LRRC8B: variants seen among roughly 807,000 people sequenced by gnomAD.
LRRC8B encodes leucine rich repeat containing 8 VRAC subunit B.
In LRRC8B, 23 loss-of-function variants were observed where a neutral mutation model predicts 58.8. The observed-to-expected ratio is 0.39, with a 90% CI of 0.28 to 0.55. The LOEUF is 0.55. LRRC8B is among the 20% of genes least tolerant of loss of function. The pLI is 0.62. For missense variants in LRRC8B, 694 were observed against 936.0 expected (o/e 0.74, Z 3.37); for synonymous variants, 359 against 374.1 (o/e 0.96, Z 0.47).
At chr1:89,566,543 C>G (rs1653058042) in intron 1 of LRRC8B, among the ~76,000 whole-genome samples, 1 of 152,166 alleles carries the variant, frequency 6.6e-6, no homozygotes, top group Non-Finnish European at 1.5e-5. Flanking sequence ...ATGCCTTTAA[C>G]CCAGTTCAAG....
In LRRC8B at chr1:89,583,511, C is replaced by T. The variant is rs1472790277; in HGVS notation, c.861C>T (p.Ile287=). The change falls in exon 5 of 6, where the codon ATC becomes ATT. Residue 287 remains isoleucine (I), a synonymous_variant. Coordinates refer to ENST00000330947, the MANE Select transcript of LRRC8B (RefSeq NM_001369817.2). This position sits in a 1 kb window ranked among gnomAD's most constrained non-coding sequence, Gnocchi z 5.2. ...TTTTAACCCACATCACTCTTGAAAT[C>T]GACTGTTCAGTTGATGTGCAGGCTT... The part of the protein sequence containing the change: ...PYFLTHITLE[I]DCSVDVQAFT... 5.0e-6 allele frequency: 8 copies of T among 1,613,406 alleles called. No homozygotes were observed. In the Admixed American group the frequency reaches 5.0e-5, roughly 10 times the overall value.
rs190222394 is a variant in LRRC8B at position 89,581,491 on chromosome 1, C to T, written c.-26-1134C>T. On this transcript the variant is annotated intron_variant, in intron 4 of 5. Transcript: ENST00000330947. Reference sequence around the variant, plus strand: ...TTTCTTATCAGATATTTTCTAAGACCCACATATTTCCTTTTACTTTACTCT... The same window carrying T: ...TTTCTTATCAGATATTTTCTAAGACTCACATATTTCCTTTTACTTTACTCT... Among the ~76,000 whole-genome samples, 40 of 152,098 alleles carry T rather than the reference C, an allele frequency of 2.6e-4. No homozygotes were observed. The East Asian group carries it at 7.0e-3, about 26-fold the overall frequency.
intron 5 of LRRC8B, 51 bp downstream of exon 5, chr1:89,584,840 C>T: frequency 7.9e-7 from 1 of 1,259,366 alleles, no homozygotes; most frequent in Non-Finnish European, 1.1e-6. Context: ...ACTTATAGTG[C>T]ATTACATAGG....
At chr1:89,530,194 CAA>C (rs776269889) in intron 1 of LRRC8B, among the ~76,000 whole-genome samples, 5 of 115,682 alleles carry the variant, frequency 4.3e-5, no homozygotes, top group African/African-American at 6.4e-5. Context: ...ACAAAAAATA[CAA>C]AAAAAAAAAA....
intron 1 of LRRC8B, among the ~76,000 whole-genome samples, chr1:89,527,855 G>A (rs144813539): frequency 1.7e-4 from 26 of 152,258 alleles, no homozygotes; most frequent in African/African-American, 5.8e-4. Context: ...TGAACAAAGG[G>A]TAACAATAAA....
Position 89,543,259 on chromosome 1 carries a change from C to T in LRRC8B, c.-241+18237C>T, listed in dbSNP as rs145521558. Among the ~76,000 whole-genome samples, 521 of 152,134 alleles carry T rather than the reference C, an allele frequency of 3.4e-3. 5 individuals carry two copies. The highest frequency in any genetic ancestry group is 0.012 in the African/African-American group (492 of 41,508). ...ATATTTTGAGACATGTAGACTATAA[C>T]CTTGAAAAGTCTTTTATGCTAATTG... On this transcript the variant is annotated intron_variant, in intron 1 of 5. Coordinates refer to ENST00000330947, the MANE Select transcript of LRRC8B (RefSeq NM_001369817.2).
intron 5 of LRRC8B, 129 bp downstream of exon 5, chr1:89,584,918 T>C (rs1442228578): frequency 7.9e-6 from 5 of 630,068 alleles, no homozygotes; most frequent in Non-Finnish European, 1.1e-5. Context: ...TTGCATAAAT[T>C]ACCAAAACAC....
chr1:89,555,862 A>G (rs1570592461), intron 1 of LRRC8B, among the ~76,000 whole-genome samples: 1 of 152,188 alleles, frequency 6.6e-6, no homozygotes, highest in South Asian at 2.1e-4. Flanking sequence ...GCATCATGTT[A>G]TGTGTGTAAT....
In LRRC8B at chr1:89,593,267, C is replaced by T. The variant is rs535313054; in HGVS notation, c.*224C>T. 6 of 464,476 alleles carry T rather than the reference C, an allele frequency of 1.3e-5. No homozygotes were observed. The South Asian group carries it at 1.4e-4, about 11-fold the overall frequency. The allele number at this position is 464,476 out of a possible 1,614,324, so 28.8% of individuals were successfully genotyped here. A position where few individuals can be genotyped will look rare whatever the true frequency, so the allele number is the denominator to read the frequency against. On this transcript the variant is annotated 3_prime_UTR_variant, in exon 6 of 6. Coordinates refer to ENST00000330947, the MANE Select transcript of LRRC8B (RefSeq NM_001369817.2). ...TGGCGTGCGCCTGTAATCCCAGCTA[C>T]TTGGGAGGCTGACGCAGGGGAATTG... is the stretch of plus-strand genomic sequence containing the variant.
Position 89,597,811 on chromosome 1 carries a change from A to G in LRRC8B, c.*4768A>G, listed in dbSNP as rs908518402. The G allele has an allele frequency of 2.0e-5, 3 of 152,190 alleles. No homozygotes were observed. The highest frequency in any genetic ancestry group is 7.2e-5 in the African/African-American group (3 of 41,432). 9.4% of individuals were successfully genotyped at this position (152,190 alleles called of 1,614,324 possible). A position where few individuals can be genotyped will look rare whatever the true frequency, so the allele number is the denominator to read the frequency against. On this transcript the variant is annotated 3_prime_UTR_variant, in exon 6 of 6. Transcript: ENST00000330947. ...TTTTAAAGTACCTTTTGTGTAAAAT[A>G]AAGATCCAATTTTTATAACAAATGG...
At chr1:89,539,203 A>G (rs1650767523) in intron 1 of LRRC8B, among the ~76,000 whole-genome samples, 1 of 152,206 alleles carries the variant, frequency 6.6e-6, no homozygotes, top group African/African-American at 2.4e-5. Context: ...CTGAAAGAAG[A>G]AATTCTAGCC....
chr1:89,573,604 A>G (rs1187643514), intron 3 of LRRC8B, among the ~76,000 whole-genome samples: 1 of 152,168 alleles, frequency 6.6e-6, no homozygotes, highest in African/African-American at 2.4e-5. Context: ...GTATTATTTT[A>G]TGATGATGTC....
In LRRC8B at chr1:89,595,745, T is replaced by TA. The variant is rs1254834094; in HGVS notation, c.*2708dup. ...GGAAAAATGAGGCTACTACTTCACA[T>TA]AAAAAATAGGGTGTTAATACCACCT... On this transcript the variant is annotated 3_prime_UTR_variant, in exon 6 of 6. Coordinates refer to ENST00000330947, the MANE Select transcript of LRRC8B (RefSeq NM_001369817.2). 2 of 152,104 alleles carry TA rather than the reference T, an allele frequency of 1.3e-5. No homozygotes were observed. Among genetic ancestry groups the TA allele is most frequent in the Admixed American group, 1.3e-4 (2 of 15,274 alleles). The allele number at this position is 152,104 out of a possible 1,614,324, so 9.4% of individuals were successfully genotyped here. A position where few individuals can be genotyped will look rare whatever the true frequency, so the allele number is the denominator to read the frequency against.
chr1:89,584,815 TTCAGTA>T, intron 5 of LRRC8B, 26 bp downstream of exon 5: 1 of 1,470,984 alleles, frequency 6.8e-7, no homozygotes, highest in Non-Finnish European at 9.3e-7. Context: ...CTTTCTTTTA[TTCAGTA>T]TCTGCCGTAC....
At chr1:89,542,405 G>A (rs1651068468) in intron 1 of LRRC8B, among the ~76,000 whole-genome samples, 1 of 152,160 alleles carries the variant, frequency 6.6e-6, no homozygotes, top group African/African-American at 2.4e-5. Context: ...ATTCCATGAG[G>A]TAGAGATAGC....
chr1:89,585,302 A>G (rs1417773292), intron 5 of LRRC8B, among the ~76,000 whole-genome samples: 2 of 152,226 alleles, frequency 1.3e-5, no homozygotes, highest in Non-Finnish European at 2.9e-5. Context: ...AGATGATTCA[A>G]AATGAAAGGC....
At chr1:89,549,329 A>G (rs1272808666) in intron 1 of LRRC8B, among the ~76,000 whole-genome samples, 1 of 152,214 alleles carries the variant, frequency 6.6e-6, no homozygotes, top group Non-Finnish European at 1.5e-5. Context: ...AAATTCCTTC[A>G]TGTTTCTATT....
At chr1:89,541,913 G>T (rs577697571) in intron 1 of LRRC8B, among the ~76,000 whole-genome samples, 2 of 151,928 alleles carry the variant, frequency 1.3e-5, no homozygotes, top group African/African-American at 2.4e-5. Flanking sequence ...ACTATACCAA[G>T]AATGAAATTT....
At chr1:89,545,811 G>T (rs1052196379) in intron 1 of LRRC8B, among the ~76,000 whole-genome samples, 2 of 152,186 alleles carry the variant, frequency 1.3e-5, no homozygotes, top group Admixed American at 1.3e-4. Flanking sequence ...TAGGAGGTGA[G>T]GCTTGCAGGA....
Sources: allele counts gnomAD v4.1 joint callset (sites outside exome capture counted in the v4.1 genomes callset), GRCh38; gene constraint gnomAD v4.1.1; non-coding constraint Gnocchi (gnomAD v3.1); transcripts MANE v1.5; gene names NCBI Gene and HGNC (gene_info 2026-07-23, HGNC 2026-07-21).